DIAPH2: variants seen among roughly 807,000 people sequenced by gnomAD.
The protein encoded by DIAPH2 is diaphanous related formin 2.
Under a neutral mutation model 92.7 loss-of-function variants are expected in DIAPH2, and 35 were observed. That is an observed-to-expected ratio of 0.38 (90% confidence interval 0.29 to 0.50). The LOEUF (loss-of-function observed/expected upper bound fraction) is 0.50. Ranked by LOEUF, DIAPH2 falls within the 20% of genes least tolerant of loss-of-function variation. DIAPH2 has a pLI of 0.94. For synonymous variants in DIAPH2, 301 were observed against 280.4 expected (o/e 1.07, Z -0.73); for missense variants, 701 against 819.5 (o/e 0.86, Z 1.77).
intron 23 of DIAPH2, among the ~76,000 whole-genome samples, chrX:97,258,233 A>G (rs1209839196): frequency 8.9e-6 from 1 of 111,948 alleles, no homozygotes; most frequent in Non-Finnish European, 1.9e-5. Context: ...AAATTCTTGC[A>G]TACTTTATGA....
rs566894419 is a variant in DIAPH2 at position 97,141,973 on chromosome X, A to T, written c.2719+179A>T. Among the ~76,000 whole-genome samples the T allele has an allele frequency of 5.4e-3, 611 of 112,133 alleles. 1 individual carries two copies. The highest frequency in any genetic ancestry group is 7.8e-3 in the Non-Finnish European group (413 of 53,117). ...ACAGCATACTACATTTTAATAACCT[A>T]TTTTGTCTTACATCATTTTTTTTAC... On this transcript the variant is annotated intron_variant, in intron 22 of 26. Coordinates refer to ENST00000324765, the MANE Select transcript of DIAPH2 (RefSeq NM_006729.5).
chrX:97,342,500 C>T (rs1427156681), intron 23 of DIAPH2, among the ~76,000 whole-genome samples: 2 of 112,153 alleles, frequency 1.8e-5, no homozygotes, highest in East Asian at 5.6e-4. Flanking sequence ...TGAGTTAGTC[C>T]ATGGGAAGTC....
intron 5 of DIAPH2, among the ~76,000 whole-genome samples, chrX:96,907,072 A>C (rs1171417354): frequency 8.9e-6 from 1 of 112,222 alleles, no homozygotes; most frequent in African/African-American, 3.2e-5. Context: ...ATGTTAAGAC[A>C]GTTCTTTAAC....
chrX:96,918,347 T>C (rs759394576), intron 8 of DIAPH2, among the ~76,000 whole-genome samples, 162 bp from the exon 9 acceptor site: 1 of 111,908 alleles, frequency 8.9e-6, no homozygotes, highest in East Asian at 2.8e-4. Context: ...TTTGAAAACA[T>C]ACAATTTCCA....
chrX:97,306,233 A>G (rs1299672795), intron 23 of DIAPH2, among the ~76,000 whole-genome samples: 3 of 111,152 alleles, frequency 2.7e-5, no homozygotes, highest in Non-Finnish European at 5.7e-5. Context: ...TGAATTAGCC[A>G]AGGATATACT....
chrX:97,397,721 G>A (rs987429268), intron 25 of DIAPH2, among the ~76,000 whole-genome samples: 11 of 111,527 alleles, frequency 9.9e-5, no homozygotes, highest in African/African-American at 2.9e-4. Context: ...ATAATTTTAC[G>A]CAGTTGAGTG....
chrX:97,468,565 C>A (rs2070534170), intron 26 of DIAPH2, among the ~76,000 whole-genome samples: 1 of 107,710 alleles, frequency 9.3e-6, no homozygotes. Flanking sequence ...AGCTAGAAAA[C>A]CTATTATTTA....
chrX:96,752,963 C>G (rs2064203088), intron 3 of DIAPH2, among the ~76,000 whole-genome samples: 1 of 111,504 alleles, frequency 9.0e-6, no homozygotes, highest in African/African-American at 3.3e-5. Flanking sequence ...TATTGTCCTG[C>G]CTGCCTCCCT....
chrX:97,509,565 A>T (rs1450489850), intron 26 of DIAPH2, among the ~76,000 whole-genome samples: 7 of 85,665 alleles, frequency 8.2e-5, no homozygotes, highest in African/African-American at 1.4e-4. Flanking sequence ...TGTGCAGGTT[A>T]GTTACATATG....
At chrX:97,000,157 G>A (rs996839968) in intron 17 of DIAPH2, among the ~76,000 whole-genome samples, 50 of 112,127 alleles carry the variant, frequency 4.5e-4, no homozygotes, top group African/African-American at 1.6e-3. Flanking sequence ...CACCTAAAAT[G>A]TGATAAAAGT....
intron 1 of DIAPH2, among the ~76,000 whole-genome samples, chrX:96,721,441 A>T (rs1381622481): frequency 8.9e-6 from 1 of 111,995 alleles, no homozygotes; most frequent in Non-Finnish European, 1.9e-5. Context: ...TATATTTTAC[A>T]GTTGGCTAGT....
chrX:97,180,068 A>G (rs183057266), intron 22 of DIAPH2, among the ~76,000 whole-genome samples: 215 of 111,690 alleles, frequency 1.9e-3, no homozygotes, highest in African/African-American at 6.6e-3. Context: ...GAGCCAAACC[A>G]TATCACCCAG....
intron 22 of DIAPH2, among the ~76,000 whole-genome samples, chrX:97,163,500 A>G (rs1171141495): frequency 8.9e-6 from 1 of 112,104 alleles, no homozygotes; most frequent in East Asian, 2.8e-4. Flanking sequence ...TAAGTTTTCA[A>G]TACATGGTCT....
intron 1 of DIAPH2, 111 bp from the exon 2 acceptor site, chrX:96,735,647 G>T (rs192015123): frequency 6.6e-6 from 3 of 453,618 alleles, no homozygotes; most frequent in Non-Finnish European, 1.1e-5. Context: ...GATTCTTTTT[G>T]ACTGTTTACA....
At chrX:96,940,349 A>G (rs191188633) in intron 12 of DIAPH2, among the ~76,000 whole-genome samples, 28 of 112,226 alleles carry the variant, frequency 2.5e-4, no homozygotes, top group African/African-American at 7.8e-4. Flanking sequence ...AAGTTTTAGA[A>G]TCTAGTTAAC....
rs1316598679 is a variant in DIAPH2, at chrX:97,163,327, C to T, written c.2719+21533C>T. On this transcript the variant is annotated intron_variant, in intron 22 of 26. Coordinates refer to ENST00000324765, the MANE Select transcript of DIAPH2 (RefSeq NM_006729.5). Reference sequence around the variant, plus strand: ...CACCCCTACCTCGCCATAGTGGGGGCTACAAGCACATGGCACCACGCCTGG... The same window carrying T: ...CACCCCTACCTCGCCATAGTGGGGGTTACAAGCACATGGCACCACGCCTGG... 2.7e-5 allele frequency among the ~76,000 whole-genome samples: 3 copies of T among 110,758 alleles called. No homozygotes were observed. In the Admixed American group the frequency reaches 2.9e-4, roughly 11 times the overall value.
chrX:96,736,421 C>T (rs2064088104), intron 2 of DIAPH2, among the ~76,000 whole-genome samples: 2 of 111,007 alleles, frequency 1.8e-5, no homozygotes, highest in South Asian at 3.9e-4. Flanking sequence ...GACAGAGTCT[C>T]GCCCTGTCAC....
intron 3 of DIAPH2, among the ~76,000 whole-genome samples, chrX:96,739,392 G>A (rs1239492370): frequency 1.8e-5 from 2 of 111,593 alleles, no homozygotes; most frequent in Non-Finnish European, 3.8e-5. Flanking sequence ...GACCAGAGAA[G>A]AACTAGAGAT....
At chrX:96,954,055 T>G (rs1448587075) in intron 15 of DIAPH2, 1 of 111,688 alleles carries the variant, frequency 9.0e-6, no homozygotes, top group Non-Finnish European at 1.9e-5. Flanking sequence ...TTTCCTATGA[T>G]CTCCACTGTG....
Sources: allele counts gnomAD v4.1 joint callset (sites outside exome capture counted in the v4.1 genomes callset), GRCh38; gene constraint gnomAD v4.1.1; transcripts MANE v1.5; gene names NCBI Gene and HGNC (gene_info 2026-07-23, HGNC 2026-07-21).